The following PKHD1 variants were observed in gnomAD, a reference collection of about 807,000 sequenced individuals.
PKHD1 encodes the protein PKHD1 ciliary IPT domain containing fibrocystin/polyductin, also known as fibrocystin.
Under a neutral mutation model 412.0 loss-of-function variants are expected in PKHD1, and 291 were observed. The observed-to-expected ratio is 0.71, with a 90% CI of 0.64 to 0.78. The LOEUF (loss-of-function observed/expected upper bound fraction) is 0.78. Among genes scored for constraint, PKHD1 ranks in the 30% least tolerant of loss-of-function variants. The pLI, the probability that PKHD1 is intolerant of heterozygous loss-of-function variation, is 0.00. For synonymous variants in PKHD1, 1,777 were observed against 1,821.5 expected (o/e 0.98, Z 0.62); for missense variants, 4,825 against 4,950.7 (o/e 0.97, Z 0.76).
At chr6:52,068,383 T>C (rs1810069114) in intron 11 of PKHD1, among the ~76,000 whole-genome samples, 1 of 152,198 alleles carries the variant, frequency 6.6e-6, no homozygotes, top group South Asian at 2.1e-4. Context: ...CAGAGATACC[T>C]GTCAGCCTAT....
At chr6:52,074,779 C>T (rs906074463) in intron 6 of PKHD1, among the ~76,000 whole-genome samples, 24 of 152,222 alleles carry the variant, frequency 1.6e-4, no homozygotes, top group African/African-American at 5.8e-4. Context: ...GGCTGCTACA[C>T]TGGGCAGGCT....
chr6:51,955,218 G>A (rs1352771288), intron 36 of PKHD1, among the ~76,000 whole-genome samples: 4 of 151,846 alleles, frequency 2.6e-5, no homozygotes, highest in African/African-American at 9.7e-5. Flanking sequence ...AAAAAAGGGA[G>A]GGAGGGCAGG....
intron 31 of PKHD1, 55 bp downstream of exon 31, chr6:52,027,774 A>C: frequency 7.8e-7 from 1 of 1,284,360 alleles, no homozygotes; most frequent in Non-Finnish European, 1.1e-6. Flanking sequence ...AAATCTGAAT[A>C]TCCAGCAAAT....
At chr6:51,682,923 G>C (rs1213754530) in intron 60 of PKHD1, among the ~76,000 whole-genome samples, 3 of 152,002 alleles carry the variant, frequency 2.0e-5, no homozygotes, top group Non-Finnish European at 2.9e-5. Flanking sequence ...CTAATACAGG[G>C]AGAATACATA....
At chr6:51,744,336 A>T (rs746660895) in intron 60 of PKHD1, 49 bp downstream of exon 60, 2 of 1,550,276 alleles carry the variant, frequency 1.3e-6, no homozygotes, top group African/African-American at 2.7e-5. Flanking sequence ...CAGCTCCTTC[A>T]CAAGCACCCT....
chr6:51,775,511 AT>A, intron 54 of PKHD1, among the ~76,000 whole-genome samples: 1 of 152,040 alleles, frequency 6.6e-6, no homozygotes, highest in Admixed American at 6.6e-5. Flanking sequence ...AGTTGATAAT[AT>A]TGACTCAGTC....
intron 60 of PKHD1, among the ~76,000 whole-genome samples, chr6:51,730,231 T>C (rs2150884214): frequency 6.6e-6 from 1 of 152,312 alleles, no homozygotes; most frequent in Middle Eastern, 3.4e-3. Context: ...TCTTTTATAT[T>C]CAAATTTTTA....
At chr6:51,761,529 C>T (rs1788013356) in intron 55 of PKHD1, among the ~76,000 whole-genome samples, 1 of 151,994 alleles carries the variant, frequency 6.6e-6, no homozygotes, top group South Asian at 2.1e-4. Flanking sequence ...TATTGTGCAA[C>T]ATAGTGACTA....
At chr6:51,996,299 G>A (rs1043612040) in intron 35 of PKHD1, among the ~76,000 whole-genome samples, 7 of 149,462 alleles carry the variant, frequency 4.7e-5, no homozygotes, top group Non-Finnish European at 3.0e-5. Flanking sequence ...ATGAGCCACC[G>A]CTCCCAGTTG....
chr6:52,043,853 T>C, intron 25 of PKHD1, 123 bp from the exon 26 acceptor site: 1 of 675,508 alleles, frequency 1.5e-6, no homozygotes, highest in Non-Finnish European at 2.7e-6. Context: ...CTTATTCCTT[T>C]TTTCTATTTT....
At chr6:52,017,319 A>T in intron 34 of PKHD1, 91 bp downstream of exon 34, 1 of 948,408 alleles carries the variant, frequency 1.1e-6, no homozygotes, top group Non-Finnish European at 1.7e-6. Context: ...CTGCCAGGCC[A>T]CATCCACCCA....
At chr6:52,036,869 T>C (rs1298224248) in intron 27 of PKHD1, among the ~76,000 whole-genome samples, 1 of 152,170 alleles carries the variant, frequency 6.6e-6, no homozygotes, top group Non-Finnish European at 1.5e-5. Context: ...TGACATATCT[T>C]TATAAATTAA....
At chr6:51,888,975 CCT>C (rs1303958823) in intron 43 of PKHD1, among the ~76,000 whole-genome samples, 1 of 151,786 alleles carries the variant, frequency 6.6e-6, no homozygotes, top group Non-Finnish European at 1.5e-5. Context: ...GTGCATCTGA[CCT>C]CTCTCAGTCT....
At chr6:51,865,078 C>T (rs182129852) in intron 48 of PKHD1, among the ~76,000 whole-genome samples, 1 of 152,272 alleles carries the variant, frequency 6.6e-6, no homozygotes, top group East Asian at 1.9e-4. Context: ...AGAACTAACA[C>T]TACCCCTGTC....
intron 40 of PKHD1, among the ~76,000 whole-genome samples, chr6:51,908,739 C>T (rs1227316204): frequency 6.6e-6 from 1 of 152,134 alleles, no homozygotes; most frequent in African/African-American, 2.4e-5. Context: ...AAGATCTGCA[C>T]ATGTAACTGC....
chr6:51,760,942 G>T (rs1276443751), intron 55 of PKHD1, among the ~76,000 whole-genome samples: 1 of 152,072 alleles, frequency 6.6e-6, no homozygotes, highest in African/African-American at 2.4e-5. Context: ...ACAAAGGTTA[G>T]TGAGGATGGA....
chr6:51,678,094 A>G (rs1037006829), intron 60 of PKHD1, among the ~76,000 whole-genome samples: 3 of 152,150 alleles, frequency 2.0e-5, no homozygotes, highest in Non-Finnish European at 4.4e-5. Flanking sequence ...TATTACATTG[A>G]AAACAGCCCA....
At position 51,693,877 on chromosome 6, in the gene PKHD1, T is replaced by C. The variant is rs562112478; in HGVS notation, c.10157-33908A>G. 2.6e-5 allele frequency among the ~76,000 whole-genome samples: 4 copies of C among 152,338 alleles called. No homozygotes were observed. The South Asian group carries it at 8.3e-4, about 32-fold the overall frequency. On this transcript the variant is annotated intron_variant, in intron 60 of 66. Coordinates refer to ENST00000371117, the MANE Select transcript of PKHD1 (RefSeq NM_138694.4). ...ATTACTATTACTCCCATTTTACAGATGAGGGAAATGAGGCATATAGGGCTT... is the reference window on the plus strand; with the variant it reads ...ATTACTATTACTCCCATTTTACAGACGAGGGAAATGAGGCATATAGGGCTT...
chr6:52,080,396 C>A (rs1811868842), intron 4 of PKHD1, among the ~76,000 whole-genome samples: 1 of 152,104 alleles, frequency 6.6e-6, no homozygotes, highest in Admixed American at 6.5e-5. Flanking sequence ...CAAAGTGGGG[C>A]TTGAATTTAG....
Sources: allele counts gnomAD v4.1 joint callset (sites outside exome capture counted in the v4.1 genomes callset), GRCh38; gene constraint gnomAD v4.1.1; transcripts MANE v1.5; gene names NCBI Gene and HGNC (gene_info 2026-07-23, HGNC 2026-07-21).